The following ATP8B3 variants were observed in gnomAD, a reference collection of about 807,000 sequenced individuals.
The protein encoded by ATP8B3 is ATPase phospholipid transporting 8B3.
Under a neutral mutation model 140.9 loss-of-function variants are expected in ATP8B3, and 141 were observed. The observed-to-expected ratio is 1.00, with a 90% CI of 0.87 to 1.15. The LOEUF (loss-of-function observed/expected upper bound fraction) is 1.15. Ranked by LOEUF, ATP8B3 falls within the 50% of genes most tolerant of loss-of-function variation. ATP8B3 has a pLI of 0.00. For synonymous variants in ATP8B3, 765 were observed against 714.6 expected (o/e 1.07, Z -1.13); for missense variants, 1,874 against 1,740.6 (o/e 1.08, Z -1.36).
At chr19:1,796,615 G>A in intron 16 of ATP8B3, 96 bp downstream of exon 16, 1 of 1,459,966 alleles carries the variant, frequency 6.8e-7, no homozygotes, top group Non-Finnish European at 9.1e-7. Context: ...CCAGCTGAAA[G>A]CCCTGGAAGA....
chr19:1,787,207 A>C (rs2068334095), intron 24 of ATP8B3, 21 bp from the exon 25 acceptor site: 1 of 1,588,178 alleles, frequency 6.3e-7, no homozygotes, highest in Admixed American at 1.7e-5. Context: ...GGAGAAGGGC[A>C]AGGAGAACAA....
intron 28 of ATP8B3, among the ~76,000 whole-genome samples, chr19:1,783,488 C>T (rs2068218252): frequency 6.6e-6 from 1 of 152,214 alleles, no homozygotes; most frequent in African/African-American, 2.4e-5. Flanking sequence ...ACTAATTGGC[C>T]TTGCCCTGGA....
rs2069077945 is a variant in ATP8B3 at position 1,807,958 on chromosome 19, G to A, written c.516+264C>T. ...AGGCTGGGGAACAGCTATGCCTCCC[G>A]ATGCCCAGCCCTGCCCAGCAGGAAC... is the stretch of plus-strand genomic sequence containing the variant. On this transcript the variant is annotated intron_variant, in intron 5 of 28. Transcript: ENST00000310127. The surrounding 1 kb of genome is among the most constrained non-coding windows in gnomAD (Gnocchi z 5.9). Among the ~76,000 whole-genome samples, 1 of 152,202 alleles carries A rather than the reference G, an allele frequency of 6.6e-6. No homozygotes were observed. Among genetic ancestry groups the A allele is most frequent in the Non-Finnish European group, 1.5e-5 (1 of 68,026 alleles).
At chr19:1,802,775 G>A (rs2068896193) in intron 10 of ATP8B3, 130 bp from the exon 11 acceptor site, 1 of 1,141,324 alleles carries the variant, frequency 8.8e-7, no homozygotes, top group Middle Eastern at 2.9e-4. Flanking sequence ...TTGCCCTATG[G>A]TGCCCCAGCA....
intron 14 of ATP8B3, among the ~76,000 whole-genome samples, chr19:1,797,266 C>T (rs904080165): frequency 2.1e-4 from 32 of 151,464 alleles, no homozygotes; most frequent in African/African-American, 7.5e-4. Flanking sequence ...GAGCCGGATG[C>T]GGCCCCGTCC....
chr19:1,802,098 C>T, intron 11 of ATP8B3, 54 bp from the exon 12 acceptor site: 1 of 1,246,464 alleles, frequency 8.0e-7, no homozygotes, highest in Non-Finnish European at 1.1e-6. Context: ...CACCCCTCAC[C>T]CACCCATCAC....
chr19:1,793,724 ATTTG>A (rs1568632489), intron 18 of ATP8B3, among the ~76,000 whole-genome samples: 1 of 151,808 alleles, frequency 6.6e-6, no homozygotes, highest in East Asian at 1.9e-4. Flanking sequence ...TAGGTCTCAA[ATTTG>A]TTTATTTATT....
rs1555813753 is a variant in ATP8B3 at position 1,811,791 on chromosome 19, C to CGGGGGAGAGGT, written c.-66_-56dup. ...GCGAAGAGGGGTTTAGGCTGTGGGACGGGGGAGAGGTGGGGGAGACCCCCG... is the reference window on the plus strand; with the variant it reads ...GCGAAGAGGGGTTTAGGCTGTGGGACGGGGGAGAGGTGGGGGAGAGGTGGGGGAGACCCCCG... On this transcript the variant is annotated 5_prime_UTR_variant, in exon 2 of 29. Transcript: ENST00000310127. 4.6e-6 allele frequency: 7 copies of CGGGGGAGAGGT among 1,511,968 alleles called. No individual in the cohort carries two copies. The Admixed American group carries it at 1.4e-4, about 30-fold the overall frequency. The allele number at this position is 1,511,968 out of a possible 1,614,324, so 93.7% of individuals were successfully genotyped here.
chr19:1,794,863 G>A lies in ATP8B3; in HGVS notation c.2055+1012C>T, dbSNP rs934094644. Among the ~76,000 whole-genome samples, 1 of 152,188 alleles carries A rather than the reference G, an allele frequency of 6.6e-6. No homozygotes were observed. The highest frequency in any genetic ancestry group is 6.5e-5 in the Admixed American group (1 of 15,278). ...CTCAAATCCTGGGCCGAGGAGTTCG[G>A]GCTTCCCCCACAGAGTGGGAAGCTT... On this transcript the variant is annotated intron_variant, in intron 18 of 28. Coordinates refer to ENST00000310127, the MANE Select transcript of ATP8B3 (RefSeq NM_138813.4). The surrounding 1 kb of genome is among the most constrained non-coding windows in gnomAD (Gnocchi z 4.8).
Position 1,795,921 on chromosome 19 carries a change from A to G in ATP8B3, c.2009T>C (p.Leu670Ser), listed in dbSNP as rs762397822. The G allele has an allele frequency of 6.2e-7, 1 of 1,612,874 alleles. No individual in the cohort carries two copies. Among genetic ancestry groups the G allele is most frequent in the Non-Finnish European group, 8.5e-7 (1 of 1,179,764 alleles). Residue 670 changes from leucine to serine, a missense_variant, in exon 18 of 29, where the codon TTG (leucine) becomes TCG (serine). Around this residue, in one of 3 missense-constraint regions of ATP8B3, gnomAD observed 1,032 missense variants for 963.6 expected, o/e 1.07. Coordinates refer to ENST00000310127, the MANE Select transcript of ATP8B3 (RefSeq NM_138813.4). ...AAATTCCATTGCCCCCCTCCTGTGCAAGCGTTCGAAGATGACCGTGTCGGC... is the reference window on the plus strand; with the variant it reads ...AAATTCCATTGCCCCCCTCCTGTGCGAGCGTTCGAAGATGACCGTGTCGGC... ...KGADTVIFER[L>S]HRRGAMEFAT...
At chr19:1,803,457 T>C (rs1355662215) in intron 10 of ATP8B3, among the ~76,000 whole-genome samples, 1 of 152,144 alleles carries the variant, frequency 6.6e-6, no homozygotes, top group Non-Finnish European at 1.5e-5. Context: ...CTCAGTGTCT[T>C]CCTCTGAAAA....
rs757300537 is a variant in ATP8B3 at position 1,790,742 on chromosome 19, C to T, written c.2378+15G>A. 2.7e-5 allele frequency: 42 copies of T among 1,584,322 alleles called. No homozygotes were observed. In the South Asian group the frequency reaches 4.0e-4, roughly 15 times the overall value. On this transcript the variant is annotated intron_variant, in intron 21 of 28. Transcript: ENST00000310127. ...CCCACTCCCCTTGCTCACCCCCCAACTCCCCACTTCTTACCTAATCTCCTT... is the reference window on the plus strand; with the variant it reads ...CCCACTCCCCTTGCTCACCCCCCAATTCCCCACTTCTTACCTAATCTCCTT...
intron 4 of ATP8B3, 86 bp from the exon 5 acceptor site, chr19:1,808,421 T>G: frequency 1.1e-6 from 1 of 941,292 alleles, no homozygotes; most frequent in Non-Finnish European, 1.7e-6. Flanking sequence ...CTGCCTCACT[T>G]GGCCTCGCCC....
At chr19:1,790,633 C>G in intron 21 of ATP8B3, 124 bp downstream of exon 21, 2 of 533,950 alleles carry the variant, frequency 3.7e-6, no homozygotes, top group Middle Eastern at 4.3e-4. Flanking sequence ...ACCCTTCCCT[C>G]CCCTCTCAAT....
chr19:1,807,699 T>C lies in ATP8B3; in HGVS notation c.517-433A>G, dbSNP rs547118047. 6.6e-6 allele frequency among the ~76,000 whole-genome samples: 1 copy of C among 152,118 alleles called. No individual in the cohort carries two copies. The highest frequency in any genetic ancestry group is 2.4e-5 in the African/African-American group (1 of 41,452). On this transcript the variant is annotated intron_variant, in intron 5 of 28. Transcript: ENST00000310127. The surrounding 1 kb of genome is among the most constrained non-coding windows in gnomAD (Gnocchi z 5.9). The stretch of plus-strand genomic sequence containing the variant: ...ACTCCATTAATGCTGAATGACTCGA[T>C]GGATGAAAGGAGAACCTCTCCATCC...
intron 28 of ATP8B3, 72 bp downstream of exon 28, chr19:1,784,747 C>A: frequency 1.3e-6 from 2 of 1,486,124 alleles, no homozygotes; most frequent in African/African-American, 1.4e-5. Flanking sequence ...GCAGTCCCTA[C>A]GCCCTGCACG....
At chr19:1,788,598 C>T (rs1047852115) in intron 24 of ATP8B3, among the ~76,000 whole-genome samples, 27 of 152,296 alleles carry the variant, frequency 1.8e-4, no homozygotes, top group South Asian at 6.2e-4. Flanking sequence ...TGCAGTGAGC[C>T]GAGATCGTGC....
At chr19:1,795,840 CACACACATAA>C in intron 18 of ATP8B3, 25 bp downstream of exon 18, 2 of 1,233,948 alleles carry the variant, frequency 1.6e-6, no homozygotes, top group Non-Finnish European at 2.3e-6. Flanking sequence ...CACACACACA[CACACACATAA>C]GCCAGCCTTC....
Position 1,806,075 on chromosome 19 carries a change from C to T in ATP8B3, c.750+22G>A, listed in dbSNP as rs763482380. 1.9e-6 allele frequency: 3 copies of T among 1,601,744 alleles called. No homozygotes were observed. The Admixed American group carries it at 5.2e-5, about 28-fold the overall frequency. The stretch of plus-strand genomic sequence containing the variant: ...GTGAGGGGGCGCGTGGTTCTGGGAC[C>T]TCGGGGTCAACCCCAGCTCACTGGG... On this transcript the variant is annotated intron_variant, in intron 8 of 28. Transcript: ENST00000310127. The surrounding 1 kb of genome is among the most constrained non-coding windows in gnomAD (Gnocchi z 5.6).
Sources: allele counts gnomAD v4.1 joint callset (sites outside exome capture counted in the v4.1 genomes callset), GRCh38; gene constraint gnomAD v4.1.1; regional missense constraint gnomAD v4.1.1; non-coding constraint Gnocchi (gnomAD v3.1); transcripts MANE v1.5; gene names NCBI Gene and HGNC (gene_info 2026-07-23, HGNC 2026-07-21).